CHST9: variants seen among roughly 807,000 people sequenced by gnomAD.
CHST9 encodes the protein carbohydrate sulfotransferase 9, also known as GalNAc-4-sulfotransferase 2.
A neutral mutation model predicts 44.4 loss-of-function variants in CHST9; 41 were observed. The ratio of observed to expected loss-of-function variants is 0.92; its 90% CI spans 0.72 to 1.20. The LOEUF is 1.20. CHST9 is among the 50% of genes most tolerant of loss of function. CHST9 has a pLI of 0.00. For missense variants in CHST9, 504 were observed against 516.5 expected (o/e 0.98, Z 0.23); for synonymous variants, 171 against 178.4 (o/e 0.96, Z 0.33).
intron 4 of CHST9, among the ~76,000 whole-genome samples, chr18:26,965,329 C>T (rs2056450534): frequency 6.6e-6 from 1 of 152,168 alleles, no homozygotes; most frequent in South Asian, 2.1e-4. Flanking sequence ...AGCAGTGTAG[C>T]TCCATAGCAG....
At chr18:26,998,782 T>G (rs563044639) in intron 4 of CHST9, among the ~76,000 whole-genome samples, 2 of 150,442 alleles carry the variant, frequency 1.3e-5, no homozygotes, top group Admixed American at 1.3e-4. Context: ...GAAATCCAGA[T>G]AGACTATTAT....
intron 2 of CHST9, among the ~76,000 whole-genome samples, chr18:27,119,236 T>G (rs1368025596): frequency 2.6e-5 from 4 of 152,198 alleles, no homozygotes; most frequent in African/African-American, 9.6e-5. Context: ...AATGTGTTCT[T>G]ATAACCTCAC....
intron 4 of CHST9, among the ~76,000 whole-genome samples, chr18:27,013,577 G>A (rs1025215736): frequency 2.6e-5 from 4 of 152,092 alleles, no homozygotes; most frequent in Non-Finnish European, 5.9e-5. Context: ...ATTCAAGAAA[G>A]GGCTCCTTGA....
chr18:26,942,621 T>C (rs888358838), intron 5 of CHST9, among the ~76,000 whole-genome samples: 1 of 152,140 alleles, frequency 6.6e-6, no homozygotes, highest in African/African-American at 2.4e-5. Context: ...TTTTGACCAA[T>C]TGCTTTAGGT....
chr18:27,100,174 A>G (rs773747494), intron 2 of CHST9, among the ~76,000 whole-genome samples: 1 of 152,116 alleles, frequency 6.6e-6, no homozygotes, highest in Non-Finnish European at 1.5e-5. Flanking sequence ...ACTCAATACT[A>G]TATGTCCTTA....
chr18:27,165,940 C>T (rs2058786595), intron 1 of CHST9, among the ~76,000 whole-genome samples: 1 of 152,166 alleles, frequency 6.6e-6, no homozygotes, highest in African/African-American at 2.4e-5. Context: ...CAAGTTCTTG[C>T]TATCACAAAA....
At chr18:26,948,898 T>C (rs111408157) in intron 4 of CHST9, among the ~76,000 whole-genome samples, 3 of 152,106 alleles carry the variant, frequency 2.0e-5, no homozygotes, top group Non-Finnish European at 2.9e-5. Flanking sequence ...TCGTGAGAAG[T>C]TCTGAGCGGC....
At chr18:27,133,306 T>C (rs12956990) in intron 2 of CHST9, among the ~76,000 whole-genome samples, 62,814 of 152,038 alleles carry the variant, frequency 0.41, 13,444 homozygotes, top group Non-Finnish European at 0.47. Flanking sequence ...GGGATCGACT[T>C]TGTTGCAAAG....
intron 4 of CHST9, among the ~76,000 whole-genome samples, 158 bp downstream of exon 4, chr18:27,023,958 C>A (rs1043547754): frequency 6.6e-6 from 1 of 152,136 alleles, no homozygotes; most frequent in Non-Finnish European, 1.5e-5. Flanking sequence ...AGACTTTACG[C>A]ACTCCAAAAA....
At chr18:26,968,469 C>T (rs1415830163) in intron 4 of CHST9, among the ~76,000 whole-genome samples, 1 of 152,220 alleles carries the variant, frequency 6.6e-6, no homozygotes, top group African/African-American at 2.4e-5. Flanking sequence ...TATTTTTCTA[C>T]AGCTTGTCCA....
chr18:27,126,582 C>A (rs1346976049), intron 2 of CHST9, among the ~76,000 whole-genome samples: 2 of 152,064 alleles, frequency 1.3e-5, no homozygotes, highest in Non-Finnish European at 2.9e-5. Context: ...AAATTTAGGA[C>A]AGCTGGAGGT....
intron 4 of CHST9, among the ~76,000 whole-genome samples, chr18:26,972,330 C>G (rs1445190996): frequency 7.4e-6 from 1 of 135,794 alleles, no homozygotes; most frequent in Middle Eastern, 4.4e-3. Context: ...GCACTCCAGC[C>G]CAGGTGACAG....
chr18:27,083,434 A>T (rs559381727), intron 2 of CHST9, among the ~76,000 whole-genome samples: 1 of 152,240 alleles, frequency 6.6e-6, no homozygotes, highest in Admixed American at 6.5e-5. Context: ...ATATGATTTG[A>T]TTGCCTCTGA....
At chr18:27,029,382 C>T (rs537728470) in intron 3 of CHST9, among the ~76,000 whole-genome samples, 228 of 152,136 alleles carry the variant, frequency 1.5e-3, no homozygotes, top group African/African-American at 4.9e-3. Flanking sequence ...GAAAGGGCAT[C>T]GCGTCTCTCC....
At chr18:26,928,064 C>T (rs1402238286) in intron 5 of CHST9, among the ~76,000 whole-genome samples, 2 of 152,154 alleles carry the variant, frequency 1.3e-5, no homozygotes, top group African/African-American at 2.4e-5. Flanking sequence ...ATCCATTAAA[C>T]GTTGAGTCGA....
intron 5 of CHST9, among the ~76,000 whole-genome samples, chr18:26,943,741 TA>T (rs1288169115): frequency 2.6e-5 from 4 of 152,168 alleles, no homozygotes; most frequent in Non-Finnish European, 5.9e-5. Context: ...CTCAAGCTCC[TA>T]AAACAGTTCT....
chr18:27,017,636 T>G (rs2057170634), intron 4 of CHST9, among the ~76,000 whole-genome samples: 1 of 152,172 alleles, frequency 6.6e-6, no homozygotes, highest in African/African-American at 2.4e-5. Context: ...GATGAGGTTT[T>G]GAATTGGAAT....
intron 2 of CHST9, among the ~76,000 whole-genome samples, chr18:27,137,266 C>A (rs1275443421): frequency 6.9e-6 from 1 of 144,152 alleles, no homozygotes. Flanking sequence ...GATTTATATG[C>A]ATAATTATAT....
At chr18:27,086,740 A>AT (rs2058016053) in intron 2 of CHST9, among the ~76,000 whole-genome samples, 1 of 152,112 alleles carries the variant, frequency 6.6e-6, no homozygotes, top group African/African-American at 2.4e-5. Context: ...ATAATTTTTG[A>AT]TTTTTTTCTT....
Sources: gnomAD v4.1 joint callset for allele counts (sites outside exome capture counted in the v4.1 genomes callset) on GRCh38, gnomAD v4.1.1 for gene constraint, MANE v1.5 for transcripts, NCBI Gene and HGNC (gene_info 2026-07-23, HGNC 2026-07-21) for gene names.